The following ZCCHC17 variants were observed in gnomAD, a reference collection of about 807,000 sequenced individuals.
ZCCHC17 encodes zinc finger CCHC-type containing 17, also known as zinc finger CCHC domain-containing protein 17.
In ZCCHC17, 18 loss-of-function variants were observed where a neutral mutation model predicts 30.6. The observed-to-expected ratio is 0.59, with a 90% CI of 0.41 to 0.87. ZCCHC17 has a LOEUF of 0.87. Among genes scored for constraint, ZCCHC17 ranks in the 40% least tolerant of loss-of-function variants. ZCCHC17 has a pLI of 0.00. For synonymous variants in ZCCHC17, 88 were observed against 92.4 expected, an observed-to-expected ratio of 0.95 and a Z score of 0.27; for missense variants, 263 against 284.2, an observed-to-expected ratio of 0.93 and a Z score of 0.54.
At chr1:31,346,961 C>T in intron 6 of ZCCHC17, 1 of 933,650 alleles carries the variant, frequency 1.1e-6, no homozygotes, top group Non-Finnish European at 1.6e-6. Flanking sequence ...ACCACTACCA[C>T]CACTCCTCCC....
At chr1:31,313,151 T>C (rs1448031413) in intron 2 of ZCCHC17, among the ~76,000 whole-genome samples, 2 of 147,496 alleles carry the variant, frequency 1.4e-5, no homozygotes. Flanking sequence ...GTGATTTGGC[T>C]AACTGCAACT....
At chr1:31,349,007 C>CT (rs1557455442) in intron 7 of ZCCHC17, 33 bp downstream of exon 7, 2 of 1,537,600 alleles carry the variant, frequency 1.3e-6, no homozygotes, top group Non-Finnish European at 1.7e-6. Context: ...TTTATCATGT[C>CT]TTTTTCAAGT....
At chr1:31,357,692 G>A (rs1034999176) in intron 7 of ZCCHC17, among the ~76,000 whole-genome samples, 4 of 151,920 alleles carry the variant, frequency 2.6e-5, no homozygotes, top group African/African-American at 4.8e-5. Flanking sequence ...GAGATAGGGA[G>A]TCCTAGAATG....
chr1:31,341,067 T>C (rs1639030706), intron 5 of ZCCHC17, among the ~76,000 whole-genome samples: 2 of 152,222 alleles, frequency 1.3e-5, no homozygotes, highest in South Asian at 4.1e-4. Flanking sequence ...TGTGGTTACA[T>C]AGAAAATTAT....
Position 31,364,776 on chromosome 1 carries a change from GT to G in ZCCHC17, c.*584del, listed in dbSNP as rs1298236273. The G allele has an allele frequency of 2.6e-5, 4 of 152,968 alleles. No individual in the cohort carries two copies. The highest frequency in any genetic ancestry group is 9.7e-5 in the African/African-American group (4 of 41,446). 9.5% of individuals were successfully genotyped at this position (152,968 alleles called of 1,614,324 possible). On this transcript the variant is annotated 3_prime_UTR_variant, in exon 8 of 8. Coordinates refer to ENST00000344147, the MANE Select transcript of ZCCHC17 (RefSeq NM_016505.4). ...CCACAGCTAGAAAACAGTCTGCAGT[GT>G]GACTTAACTTGTGTATTGCATTCCA...
chr1:31,327,837 G>C (rs1387526752), intron 3 of ZCCHC17, among the ~76,000 whole-genome samples: 1 of 152,162 alleles, frequency 6.6e-6, no homozygotes, highest in Non-Finnish European at 1.5e-5. Context: ...ACCCCTAGAG[G>C]GGGGACTGAG....
chr1:31,337,201 T>C lies in ZCCHC17; in HGVS notation c.151T>C (p.Ser51Pro), dbSNP rs754477180. 4.3e-6 allele frequency: 7 copies of C among 1,613,988 alleles called. No individual in the cohort carries two copies. Among genetic ancestry groups the C allele is most frequent in the Non-Finnish European group, 5.9e-6 (7 of 1,180,034 alleles). Reference protein sequence around the residue: ...QGLVHRTHMSSCRVDKPSEIV... With the variant: ...QGLVHRTHMSPCRVDKPSEIV... ...TCTGGTCCATCGAACTCATATGTCA[T>C]CCTGTCGGGTGGATAAGCCCTCTGA... Residue 51 changes from serine to proline, a missense_variant, in exon 4 of 8, where the codon TCC becomes CCC. By Grantham distance (74) the Ser-to-Pro change is moderately conservative. Transcript: ENST00000344147.
chr1:31,316,752 GT>G lies in ZCCHC17; in HGVS notation c.67-2354del, dbSNP rs1460740387. Among the ~76,000 whole-genome samples, 8 of 152,054 alleles carry G rather than the reference GT, an allele frequency of 5.3e-5. No homozygotes were observed. In the East Asian group the frequency reaches 1.3e-3, roughly 26 times the overall value. ...TTTTAAGCATCTGTGTGATTGTACT[GT>G]TTCTTTGGGACTCTCTGGTTCCTAA... is the stretch of plus-strand genomic sequence containing the variant. On this transcript the variant is annotated intron_variant, in intron 2 of 7. Transcript: ENST00000344147.
intron 3 of ZCCHC17, among the ~76,000 whole-genome samples, chr1:31,320,987 C>T (rs1646846656): frequency 1.3e-5 from 2 of 152,142 alleles, no homozygotes; most frequent in East Asian, 1.9e-4. Flanking sequence ...TGGATGTGCA[C>T]GGACATCTCA....
At chr1:31,297,950 A>C (rs1000748807) in intron 1 of ZCCHC17, among the ~76,000 whole-genome samples, 1 of 152,256 alleles carries the variant, frequency 6.6e-6, no homozygotes, top group Admixed American at 6.5e-5. Flanking sequence ...GATAGCGGTC[A>C]GACCTTGCAG....
intron 3 of ZCCHC17, among the ~76,000 whole-genome samples, chr1:31,333,824 T>C (rs1638691663): frequency 6.6e-6 from 1 of 152,234 alleles, no homozygotes; most frequent in African/African-American, 2.4e-5. Flanking sequence ...ATAGACTTTC[T>C]GTTTTAGGGA....
At chr1:31,325,694 A>C (rs1017125454) in intron 3 of ZCCHC17, among the ~76,000 whole-genome samples, 1 of 152,376 alleles carries the variant, frequency 6.6e-6, no homozygotes, top group South Asian at 2.1e-4. Flanking sequence ...AGCGCAGCCC[A>C]TTAGACCAAG....
intron 7 of ZCCHC17, among the ~76,000 whole-genome samples, chr1:31,354,355 A>G (rs1639569156): frequency 6.6e-6 from 1 of 152,224 alleles, no homozygotes; most frequent in Non-Finnish European, 1.5e-5. Context: ...AGGGTTTTCT[A>G]CATAGAAGAT....
At chr1:31,338,935 G>T (rs758691750) in intron 4 of ZCCHC17, 22 bp from the exon 5 acceptor site, 18 of 1,563,266 alleles carry the variant, frequency 1.2e-5, no homozygotes, top group South Asian at 2.4e-5. Context: ...AGTTTTTGGT[G>T]ACTTTTTTTG....
intron 1 of ZCCHC17, among the ~76,000 whole-genome samples, chr1:31,303,446 G>A (rs1366065300): frequency 6.6e-6 from 1 of 152,062 alleles, no homozygotes; most frequent in Non-Finnish European, 1.5e-5. Flanking sequence ...TAGTACTCAA[G>A]TAACAAAAAA....
rs186277025 is a variant in ZCCHC17, at chr1:31,301,591, G to A, written c.-56+4516G>A. On this transcript the variant is annotated intron_variant, in intron 1 of 7. Transcript: ENST00000344147. Reference sequence around the variant, plus strand: ...TTATAAGACTTTGAAGGGATCTTAGGAATAATTGACTGAAAGTGTAGTGTC... The same window carrying A: ...TTATAAGACTTTGAAGGGATCTTAGAAATAATTGACTGAAAGTGTAGTGTC... Among the ~76,000 whole-genome samples the A allele has an allele frequency of 2.8e-4, 43 of 152,290 alleles. No individual in the cohort carries two copies. The East Asian group carries it at 8.1e-3, about 29-fold the overall frequency.
chr1:31,350,571 C>T (rs987694328), intron 7 of ZCCHC17, among the ~76,000 whole-genome samples: 3 of 151,982 alleles, frequency 2.0e-5, no homozygotes, highest in African/African-American at 7.2e-5. Context: ...GTGCTATTTA[C>T]TAGCTGTTAA....
chr1:31,319,283 C>G lies in ZCCHC17; in HGVS notation c.124+117C>G, dbSNP rs995995375. 6.1e-5 allele frequency: 53 copies of G among 862,746 alleles called. No individual in the cohort carries two copies. The African/African-American group carries it at 8.7e-4, about 14-fold the overall frequency. 53.4% of individuals were successfully genotyped at this position (862,746 alleles called of 1,614,324 possible). A position where few individuals can be genotyped will look rare whatever the true frequency, so the allele number is the denominator to read the frequency against. Reference sequence around the variant, plus strand: ...CAGTAGTTTTTCATTCCTTTGTTTTCTTTTTAATGTATAGATATGAATACA... The same window carrying G: ...CAGTAGTTTTTCATTCCTTTGTTTTGTTTTTAATGTATAGATATGAATACA... On this transcript the variant is annotated intron_variant, in intron 3 of 7. Coordinates refer to ENST00000344147, the MANE Select transcript of ZCCHC17 (RefSeq NM_016505.4).
At chr1:31,335,988 A>G (rs1638800089) in intron 3 of ZCCHC17, among the ~76,000 whole-genome samples, 1 of 152,120 alleles carries the variant, frequency 6.6e-6, no homozygotes, top group African/African-American at 2.4e-5. Context: ...ATTGTTCATT[A>G]GGGTTGTTTT....
Sources: allele counts gnomAD v4.1 joint callset (sites outside exome capture counted in the v4.1 genomes callset), GRCh38; gene constraint gnomAD v4.1.1; transcripts MANE v1.5; gene names NCBI Gene and HGNC (gene_info 2026-07-23, HGNC 2026-07-21).